The following UTP14A variants were observed in gnomAD, a reference collection of about 807,000 sequenced individuals.
UTP14A encodes U3 small nucleolar RNA-associated protein 14 homolog A.
In UTP14A, 5 loss-of-function variants were observed where a neutral mutation model predicts 57.2. The observed-to-expected ratio is 0.09, with a 90% CI of 0.05 to 0.18. The LOEUF (loss-of-function observed/expected upper bound fraction) is 0.18. UTP14A is among the 10% of genes least tolerant of loss of function. UTP14A has a pLI of 1.00. For missense variants in UTP14A, 430 were observed against 562.1 expected (o/e 0.76, Z 2.38); for synonymous variants, 169 against 210.9 (o/e 0.80, Z 1.72).
chrX:129,928,212 TAA>T (rs371052944), intron 14 of UTP14A, among the ~76,000 whole-genome samples: 1 of 93,525 alleles, frequency 1.1e-5, no homozygotes. Flanking sequence ...CCATCTCTAC[TAA>T]AAAAAAAAAT....
rs903581344 is a variant in UTP14A, at chrX:129,921,902, G to C, written c.1348+315G>C. The C allele has an allele frequency of 5.3e-4, 114 of 213,531 alleles. 1 individual carries two copies. The highest frequency in any genetic ancestry group is 3.3e-4 in the Admixed American group (5 of 14,979). The allele number at this position is 213,531 out of a possible 1,213,427, so 17.6% of individuals were successfully genotyped here. The stretch of plus-strand genomic sequence containing the variant: ...GTCAGGGTATGAGTTAGCGTTCCTG[G>C]TACCTACACACCAGGGAGAAGTACG... On this transcript the variant is annotated intron_variant, in intron 11 of 14. Coordinates refer to ENST00000394422, the MANE Select transcript of UTP14A (RefSeq NM_006649.4).
intron 14 of UTP14A, among the ~76,000 whole-genome samples, chrX:129,927,746 A>C (rs1309440594): frequency 1.8e-5 from 2 of 111,710 alleles, no homozygotes; most frequent in African/African-American, 3.3e-5. Flanking sequence ...ACCTCAAGTG[A>C]TCTGCCTGCC....
chrX:129,926,313 C>T lies in UTP14A; in HGVS notation c.2017C>T (p.Arg673Cys). ...NLPNVIINEK[R>C]NIHAAAHQVR... ...GCCAAATGTGATTATCAATGAGAAG[C>T]GCAACATCCACGCAGCTGCTCATCA... The change falls in exon 14 of 15, where the codon CGC (arginine) becomes TGC (cysteine). Residue 673 changes from arginine to cysteine, a missense_variant. Transcript: ENST00000394422. The T allele has an allele frequency of 1.7e-6, 2 of 1,211,495 alleles. No homozygotes were observed. Among genetic ancestry groups the T allele is most frequent in the East Asian group, 3.0e-5 (1 of 33,856 alleles).
In UTP14A at chrX:129,925,865, G is replaced by A; in HGVS notation, c.1750-54G>A. On this transcript the variant is annotated intron_variant, in intron 12 of 14. Transcript: ENST00000394422. Reference sequence around the variant, plus strand: ...CACGACCCGAAATTCAAGCGTTCTCGCCATGAACCACAGCTCATAAGCCAA... The same window carrying A: ...CACGACCCGAAATTCAAGCGTTCTCACCATGAACCACAGCTCATAAGCCAA... 3.4e-6 allele frequency: 4 copies of A among 1,184,692 alleles called. No homozygotes were observed. The South Asian group carries it at 7.4e-5, about 22-fold the overall frequency.
At chrX:129,927,916 A>T (rs922355461) in intron 14 of UTP14A, among the ~76,000 whole-genome samples, 15 of 111,895 alleles carry the variant, frequency 1.3e-4, no homozygotes, top group African/African-American at 4.6e-4. Flanking sequence ...AATGTGGTGG[A>T]GGAGTACCAG....
At chrX:129,911,481 G>C (rs761826697) in intron 5 of UTP14A, among the ~76,000 whole-genome samples, 1 of 111,006 alleles carries the variant, frequency 9.0e-6, no homozygotes, top group African/African-American at 3.3e-5. Flanking sequence ...TGAGGCAGGA[G>C]AATCCCTTGA....
intron 11 of UTP14A, among the ~76,000 whole-genome samples, 168 bp from the exon 12 acceptor site, chrX:129,924,627 T>G (rs1012603001): frequency 1.8e-5 from 2 of 111,376 alleles, no homozygotes; most frequent in African/African-American, 6.5e-5. Context: ...CTGCTATGAT[T>G]AGTGTACTGT....
chrX:129,907,399 C>A lies in UTP14A; in HGVS notation c.59C>A (p.Ala20Glu), dbSNP rs776852636. 2 of 1,209,044 alleles carry A rather than the reference C, an allele frequency of 1.7e-6. No homozygotes were observed. The highest frequency in any genetic ancestry group is 2.2e-6 in the Non-Finnish European group (2 of 894,685). The change falls in exon 2 of 15, where the codon GCG (alanine) becomes GAG (glutamate). Residue 20 changes from alanine (A) to glutamate (E), a missense_variant. By Grantham distance (107) the Ala-to-Glu change is moderately radical. Coordinates refer to ENST00000394422, the MANE Select transcript of UTP14A (RefSeq NM_006649.4). ...LLALSQQEEL[A>E]DLPKDYLLSE... ...GCTTTGAGCCAACAGGAAGAACTAG[C>A]GGATTTGCCAAAAGACTACCTCTTG...
At chrX:129,926,860 T>G (rs1930127058) in intron 14 of UTP14A, among the ~76,000 whole-genome samples, 1 of 112,252 alleles carries the variant, frequency 8.9e-6, no homozygotes, top group African/African-American at 3.2e-5. Context: ...CCTTCAATTC[T>G]GAGATCTGTC....
chrX:129,912,066 G>A (rs981123562), intron 6 of UTP14A, 145 bp downstream of exon 6: 13 of 682,240 alleles, frequency 1.9e-5, no homozygotes, highest in African/African-American at 4.5e-5. Flanking sequence ...GTTGCCCATC[G>A]TCATTGTCAG....
At chrX:129,910,899 C>A in intron 4 of UTP14A, 109 bp from the exon 5 acceptor site, 2 of 978,600 alleles carry the variant, frequency 2.0e-6, no homozygotes, top group Non-Finnish European at 2.8e-6. Flanking sequence ...ATTCTTGCTT[C>A]TCTGCACATT....
intron 11 of UTP14A, chrX:129,922,855 A>G (rs1929969208): frequency 9.0e-6 from 1 of 110,803 alleles, no homozygotes; most frequent in Admixed American, 9.7e-5. Flanking sequence ...AATTGCAAGT[A>G]GTCACTTCTG....
At chrX:129,923,891 C>G (rs981691422) in intron 11 of UTP14A, among the ~76,000 whole-genome samples, 1 of 110,984 alleles carries the variant, frequency 9.0e-6, no homozygotes, top group African/African-American at 3.3e-5. Context: ...ACTTAAGCCA[C>G]AGTCCCAGTT....
At chrX:129,919,077 C>T (rs1929808964) in intron 6 of UTP14A, 98 bp from the exon 7 acceptor site, 1 of 1,147,878 alleles carries the variant, frequency 8.7e-7, no homozygotes, top group South Asian at 1.9e-5. Context: ...CTTATGATTC[C>T]AATTATAGTG....
Position 129,929,718 on chromosome X carries a change from G to A in UTP14A, c.*110G>A. 1.1e-6 allele frequency: 1 copy of A among 951,169 alleles called. No homozygotes were observed. 78.4% of individuals were successfully genotyped at this position (951,169 alleles called of 1,213,427 possible). A position where few individuals can be genotyped will look rare whatever the true frequency, so the allele number is the denominator to read the frequency against. On this transcript the variant is annotated 3_prime_UTR_variant, in exon 15 of 15. Transcript: ENST00000394422. The stretch of plus-strand genomic sequence containing the variant: ...GGCTCAGTACATTGCATGTAGTTAA[G>A]CCACATTTTAAAAATAAAGGCATTT...
intron 6 of UTP14A, chrX:129,913,294 A>G (rs923999481): frequency 2.4e-4 from 77 of 325,301 alleles, no homozygotes; most frequent in Non-Finnish European, 3.8e-4. Flanking sequence ...TGAAGTCACT[A>G]CCATTCTCTT....
intron 11 of UTP14A, 71 bp downstream of exon 11, chrX:129,921,658 T>C: frequency 9.2e-7 from 1 of 1,082,406 alleles, no homozygotes; most frequent in Non-Finnish European, 1.2e-6. Context: ...AAAAAAAATG[T>C]GTCCACCCAC....
In UTP14A at chrX:129,925,050, G is replaced by C. The variant is rs140177682; in HGVS notation, c.1604G>C (p.Gly535Ala). 204 of 1,209,181 alleles carry C rather than the reference G, an allele frequency of 1.7e-4. No homozygotes were observed. Among genetic ancestry groups the C allele is most frequent in the Non-Finnish European group, 2.1e-4 (188 of 895,138 alleles). The change falls in exon 12 of 15, where the codon GGG becomes GCG. Residue 535 changes from glycine to alanine, a missense_variant. Coordinates refer to ENST00000394422, the MANE Select transcript of UTP14A (RefSeq NM_006649.4). ...GAGCTTCCCAGACCTGTGTTAGAAG[G>C]GCAGCAGTCAGAGAGGACCCCAAAT... ...NKELPRPVLE[G>A]QQSERTPNNR...
intron 2 of UTP14A, 70 bp from the exon 3 acceptor site, chrX:129,907,990 T>G: frequency 1.9e-5 from 17 of 894,252 alleles, no homozygotes; most frequent in Non-Finnish European, 2.8e-5. Flanking sequence ...AGATTTTACA[T>G]GAGACTCAAT....
Sources: allele counts gnomAD v4.1 joint callset (sites outside exome capture counted in the v4.1 genomes callset), GRCh38; gene constraint gnomAD v4.1.1; transcripts MANE v1.5; gene names NCBI Gene and HGNC (gene_info 2026-07-23, HGNC 2026-07-21).